The following CSDE1 variants were observed in gnomAD, a reference collection of about 807,000 sequenced individuals.
The protein encoded by CSDE1 is cold shock domain containing E1.
Under a neutral mutation model 89.3 loss-of-function variants are expected in CSDE1, and 17 were observed. The observed-to-expected ratio is 0.19, with a 90% CI of 0.13 to 0.29. The LOEUF is 0.29. Ranked by LOEUF, CSDE1 falls within the 10% of genes least tolerant of loss-of-function variation. The pLI, the probability that CSDE1 is intolerant of heterozygous loss-of-function variation, is 1.00. For synonymous variants in CSDE1, 322 were observed against 332.8 expected, an observed-to-expected ratio of 0.97 and a Z score of 0.35; for missense variants, 672 against 984.2, an observed-to-expected ratio of 0.68 and a Z score of 4.24.
intron 2 of CSDE1, chr1:114,746,620 G>C (rs1227357530): frequency 6.6e-6 from 1 of 152,076 alleles, no homozygotes; most frequent in Non-Finnish European, 1.5e-5. Flanking sequence ...AAGTGCTTAC[G>C]TAGCACATAG....
intron 10 of CSDE1, among the ~76,000 whole-genome samples, chr1:114,732,274 G>C (rs1042270723): frequency 1.3e-5 from 2 of 152,104 alleles, no homozygotes; most frequent in Admixed American, 1.3e-4. Context: ...AAATGTCTTA[G>C]GAAATAGTTT....
At chr1:114,735,576 T>C (rs1557999437) in intron 6 of CSDE1, among the ~76,000 whole-genome samples, 1 of 152,200 alleles carries the variant, frequency 6.6e-6, no homozygotes, top group Non-Finnish European at 1.5e-5. Context: ...CTTCAGACTG[T>C]AACTAATAAT....
At chr1:114,726,026 T>G (rs1036698396) in intron 14 of CSDE1, among the ~76,000 whole-genome samples, 185 bp downstream of exon 14, 1 of 152,236 alleles carries the variant, frequency 6.6e-6, no homozygotes, top group African/African-American at 2.4e-5. Context: ...TTTCTATTTC[T>G]TTTGGCCACA....
intron 19 of CSDE1, 89 bp from the exon 20 acceptor site, chr1:114,718,305 A>G (rs1422935091): frequency 3.5e-6 from 5 of 1,439,896 alleles, no homozygotes; most frequent in East Asian, 2.3e-5. Context: ...ATGAAACTAC[A>G]AAAGCATTAT....
At chr1:114,728,264 T>C (rs183126989) in intron 12 of CSDE1, among the ~76,000 whole-genome samples, 2 of 152,302 alleles carry the variant, frequency 1.3e-5, no homozygotes, top group Admixed American at 6.5e-5. Flanking sequence ...TTAAGAACAA[T>C]GTCAGTGAAC....
In CSDE1 at chr1:114,742,442, C is replaced by A. The variant is rs544233107; in HGVS notation, c.1-2552G>T. Among the ~76,000 whole-genome samples the A allele has an allele frequency of 2.0e-5, 3 of 152,164 alleles. No individual in the cohort carries two copies. In the East Asian group the frequency reaches 5.8e-4, roughly 29 times the overall value. On this transcript the variant is annotated intron_variant, in intron 2 of 19. Transcript: ENST00000358528. ...ACCAAAAATACAAAATTTAGCCAGG[C>A]ATGGTGGCATGGGTCTGTAGTCCCA...
At chr1:114,747,411 A>G (rs962554644) in intron 2 of CSDE1, among the ~76,000 whole-genome samples, 2 of 152,252 alleles carry the variant, frequency 1.3e-5, no homozygotes, top group Non-Finnish European at 2.9e-5. Flanking sequence ...TTCTTTGTAC[A>G]TATGTAAACA....
At chr1:114,733,017 A>G (rs1660189022) in intron 9 of CSDE1, among the ~76,000 whole-genome samples, 1 of 152,198 alleles carries the variant, frequency 6.6e-6, no homozygotes. Context: ...CAACAATGCA[A>G]TTAAGACCCA....
intron 1 of CSDE1, among the ~76,000 whole-genome samples, chr1:114,757,657 C>G (rs962043894): frequency 2.6e-5 from 4 of 152,124 alleles, no homozygotes; most frequent in Admixed American, 1.3e-4. Flanking sequence ...TCCCTCCCCC[C>G]ACTTTAGTCA....
intron 1 of CSDE1, among the ~76,000 whole-genome samples, chr1:114,757,116 T>C (rs146324888): frequency 5.6e-4 from 86 of 152,228 alleles, no homozygotes; most frequent in Non-Finnish European, 7.8e-4. Flanking sequence ...TTCCCCAAGA[T>C]AGAGGGGTGG....
In CSDE1 at chr1:114,743,398, A is replaced by T. The variant is rs949469112; in HGVS notation, c.1-3508T>A. Among the ~76,000 whole-genome samples the T allele has an allele frequency of 5.9e-5, 9 of 152,016 alleles. 1 individual carries two copies. Among genetic ancestry groups the T allele is most frequent in the Admixed American group, 4.6e-4 (7 of 15,252 alleles). ...GTAGAGACGGGGTTTCACCATGTTG[A>T]CCAGGCTGTTCTCGGAACTCCTGAC... On this transcript the variant is annotated intron_variant, in intron 2 of 19. Coordinates refer to ENST00000358528, the MANE Select transcript of CSDE1 (RefSeq NM_001007553.3).
At chr1:114,720,491 C>T in intron 17 of CSDE1, 48 bp downstream of exon 17, 2 of 1,467,200 alleles carry the variant, frequency 1.4e-6, no homozygotes, top group Non-Finnish European at 1.8e-6. Context: ...GTTTTGGTTA[C>T]CAACTCATAG....
chr1:114,740,004 TG>T (rs777159499), intron 2 of CSDE1, 114 bp from the exon 3 acceptor site: 70 of 788,484 alleles, frequency 8.9e-5, no homozygotes, highest in Admixed American at 9.1e-5. Context: ...AAAAGTAAAA[TG>T]AAGGGAAGAT....
chr1:114,740,290 AACGCTATTTTGAAACTTCAGCC>A (rs1660650400), intron 2 of CSDE1, among the ~76,000 whole-genome samples: 1 of 152,262 alleles, frequency 6.6e-6, no homozygotes, highest in Non-Finnish European at 1.5e-5. Flanking sequence ...GAGATTTGGT[AACGCTATTTTGAAACTTCAGCC>A]AATACCTTAA....
At chr1:114,736,988 G>T in intron 5 of CSDE1, 133 bp from the exon 6 acceptor site, 1 of 631,056 alleles carries the variant, frequency 1.6e-6, no homozygotes, top group Non-Finnish European at 2.8e-6. Context: ...TTTATGACAA[G>T]TCACTTTATT....
intron 2 of CSDE1, among the ~76,000 whole-genome samples, chr1:114,745,131 C>T (rs1181642856): frequency 1.3e-5 from 2 of 152,148 alleles, no homozygotes; most frequent in East Asian, 1.9e-4. Context: ...ACACACACCA[C>T]TTTTATGGTA....
intron 12 of CSDE1, among the ~76,000 whole-genome samples, chr1:114,729,571 A>G (rs1161625450): frequency 4.0e-5 from 6 of 151,650 alleles, no homozygotes; most frequent in Non-Finnish European, 1.5e-5. Flanking sequence ...TCCTAAAGAA[A>G]CCCTGAATTT....
rs1384886239 is a variant in CSDE1 at position 114,730,547 on chromosome 1, C to T, written c.1152G>A (p.Gln384=). ...ACTCTACTTCATCTGCAATATGGAG[C>T]TGGTTCCCATCCAGAATTTCACTGA... The part of the protein sequence containing the change: ...FHFSEILDGN[Q]LHIADEVEFT... Residue 384 remains glutamine (Q), a synonymous_variant, in exon 11 of 20, where the codon CAG becomes CAA. Coordinates refer to ENST00000358528, the MANE Select transcript of CSDE1 (RefSeq NM_001007553.3). The T allele has an allele frequency of 1.2e-6, 2 of 1,614,110 alleles. No individual in the cohort carries two copies. The highest frequency in any genetic ancestry group is 1.7e-6 in the Non-Finnish European group (2 of 1,180,018).
chr1:114,741,564 G>C, intron 2 of CSDE1: 1 of 1,551,194 alleles, frequency 6.4e-7, no homozygotes, highest in Non-Finnish European at 8.7e-7. Context: ...TTGTTTTTTA[G>C]TCCCAGATGA....
Sources: allele counts gnomAD v4.1 joint callset (sites outside exome capture counted in the v4.1 genomes callset), GRCh38; gene constraint gnomAD v4.1.1; transcripts MANE v1.5; gene names NCBI Gene and HGNC (gene_info 2026-07-23, HGNC 2026-07-21).